PRDM14: variants seen among roughly 807,000 people sequenced by gnomAD.
PRDM14 encodes the protein PR domain zinc finger protein 14.
Under a neutral mutation model 48.0 loss-of-function variants are expected in PRDM14, and 16 were observed. That is an observed-to-expected ratio of 0.33 (90% CI 0.23 to 0.51). The LOEUF is 0.51. PRDM14 is among the 20% of genes least tolerant of loss of function. The pLI, the probability that PRDM14 is intolerant of heterozygous loss-of-function variation, is 0.97. For missense variants in PRDM14, 566 were observed against 719.6 expected, an observed-to-expected ratio of 0.79 and a Z score of 2.44; for synonymous variants, 264 against 276.6, an observed-to-expected ratio of 0.95 and a Z score of 0.45.
intron 7 of PRDM14, among the ~76,000 whole-genome samples, chr8:70,054,515 ATTTT>A (rs561179179): frequency 3.4e-4 from 39 of 114,986 alleles, no homozygotes; most frequent in African/African-American, 5.8e-4. Flanking sequence ...TGAAATAGTG[ATTTT>A]TTTTTTTTTT....
chr8:70,053,987 A>G (rs1805431779), intron 7 of PRDM14, among the ~76,000 whole-genome samples: 1 of 152,220 alleles, frequency 6.6e-6, no homozygotes, highest in South Asian at 2.1e-4. Flanking sequence ...AGCACTTAAA[A>G]TGTGGCTAAT....
intron 6 of PRDM14, among the ~76,000 whole-genome samples, chr8:70,055,900 G>C (rs1180465329): frequency 1.3e-5 from 2 of 152,206 alleles, no homozygotes; most frequent in African/African-American, 4.8e-5. Flanking sequence ...ACAGGTAGCT[G>C]TGTGACTACA....
chr8:70,062,858 G>T (rs536074086), intron 5 of PRDM14, among the ~76,000 whole-genome samples: 1 of 152,294 alleles, frequency 6.6e-6, no homozygotes, highest in East Asian at 1.9e-4. Context: ...TCCCACTTTT[G>T]GCAATATGTC....
intron 5 of PRDM14, among the ~76,000 whole-genome samples, chr8:70,059,430 C>G (rs1805538944): frequency 1.3e-5 from 2 of 151,956 alleles, no homozygotes; most frequent in South Asian, 4.2e-4. Context: ...CACCACCACG[C>G]CCAGCTAATT....
At chr8:70,063,450 T>G (rs994007015) in intron 5 of PRDM14, among the ~76,000 whole-genome samples, 3 of 152,044 alleles carry the variant, frequency 2.0e-5, no homozygotes, top group African/African-American at 7.2e-5. Context: ...TAATAATGAT[T>G]TCTCAAAAGG....
At chr8:70,066,165 G>T (rs1306181479) in intron 5 of PRDM14, 70 bp downstream of exon 5, 20 of 1,519,372 alleles carry the variant, frequency 1.3e-5, no homozygotes, top group Non-Finnish European at 1.7e-5. Flanking sequence ...GTGCATGGAG[G>T]GTTTGTGGAA....
chr8:70,064,134 G>C (rs954299810), intron 5 of PRDM14, among the ~76,000 whole-genome samples: 22 of 152,040 alleles, frequency 1.4e-4, no homozygotes, highest in African/African-American at 4.3e-4. Flanking sequence ...AAGATACCTG[G>C]GGGAGTAGGA....
Position 70,070,485 on chromosome 8 carries a change from C to A in PRDM14, c.-24-601G>T, listed in dbSNP as rs893844914. The stretch of plus-strand genomic sequence containing the variant: ...AGAGCCCCCGGGCAGGTCCAGGGAC[C>A]CCGCGACCTGCTCTGGCCCAGCGGT... On this transcript the variant is annotated intron_variant, in intron 1 of 7. Coordinates refer to ENST00000276594, the MANE Select transcript of PRDM14 (RefSeq NM_024504.4). 3.3e-5 allele frequency among the ~76,000 whole-genome samples: 5 copies of A among 152,118 alleles called. No homozygotes were observed. The East Asian group carries it at 9.7e-4, about 30-fold the overall frequency.
rs1447407341 is a variant in PRDM14, at chr8:70,059,620, CA to C, written c.1184-779del. Reference sequence around the variant, plus strand: ...TTATTACAGAAAAATGTAAACATACCAAAGTGAAAATAATAGTGTAATAAAC... The same window carrying C: ...TTATTACAGAAAAATGTAAACATACCAAGTGAAAATAATAGTGTAATAAAC... On this transcript the variant is annotated intron_variant, in intron 5 of 7. Coordinates refer to ENST00000276594, the MANE Select transcript of PRDM14 (RefSeq NM_024504.4). 5.3e-5 allele frequency among the ~76,000 whole-genome samples: 8 copies of C among 152,154 alleles called. No homozygotes were observed. In the East Asian group the frequency reaches 1.5e-3, roughly 29 times the overall value.
chr8:70,070,262 T>C (rs1225036595), intron 1 of PRDM14, among the ~76,000 whole-genome samples: 5 of 152,132 alleles, frequency 3.3e-5, no homozygotes, highest in African/African-American at 4.8e-5. Context: ...TCCTTCCTTC[T>C]TCTCAGTCCT....
rs762096536 is a variant in PRDM14 at position 70,069,708 on chromosome 8, T to C, written c.153A>G (p.Gln51=). Residue 51 remains glutamine, a synonymous_variant, in exon 2 of 8, where the codon CAA becomes CAG. Coordinates refer to ENST00000276594, the MANE Select transcript of PRDM14 (RefSeq NM_024504.4). ...CTGCGGCCTCCAGCTGCCGGAAAGG[T>C]TGGAAGTCTTCCTCCACGGTGGCCA... The part of the protein sequence containing the change: ...NSLATVEEDF[Q]PFRQLEAAAS... 1 of 1,569,680 alleles carries C rather than the reference T, an allele frequency of 6.4e-7. No homozygotes were observed. The highest frequency in any genetic ancestry group is 1.2e-5 in the South Asian group (1 of 86,062).
At chr8:70,064,220 C>G (rs1805629920) in intron 5 of PRDM14, among the ~76,000 whole-genome samples, 1 of 151,976 alleles carries the variant, frequency 6.6e-6, no homozygotes, top group Non-Finnish European at 1.5e-5. Flanking sequence ...ATAATGACGG[C>G]TGACTGCTCA....
chr8:70,057,849 CAT>C (rs1306293534), intron 6 of PRDM14, among the ~76,000 whole-genome samples: 2 of 152,094 alleles, frequency 1.3e-5, no homozygotes, highest in Admixed American at 1.3e-4. Flanking sequence ...AGTGATTAAA[CAT>C]GACTTTTCCA....
Position 70,052,067 on chromosome 8 carries a change from C to T in PRDM14, c.*10G>A, listed in dbSNP as rs146584294. ...GGGATTACAGGCGTGAGTCATTGTG[C>T]CTGGCAGGGCTAGTAGTCTTCATGA... is the stretch of plus-strand genomic sequence containing the variant. On this transcript the variant is annotated 3_prime_UTR_variant, in exon 8 of 8. Transcript: ENST00000276594. 8.9e-5 allele frequency: 140 copies of T among 1,571,528 alleles called. No individual in the cohort carries two copies. The highest frequency in any genetic ancestry group is 1.2e-4 in the Non-Finnish European group (133 of 1,151,222).
At position 70,069,852 on chromosome 8, in the gene PRDM14, T is replaced by C; in HGVS notation, c.9A>G (p.Leu3=). 6.3e-7 allele frequency: 1 copy of C among 1,599,100 alleles called. No homozygotes were observed. The highest frequency in any genetic ancestry group is 8.5e-7 in the Non-Finnish European group (1 of 1,173,018). Residue 3 remains leucine (L), a synonymous_variant, in exon 2 of 8, where the codon CTA becomes CTG. Coordinates refer to ENST00000276594, the MANE Select transcript of PRDM14 (RefSeq NM_024504.4). MA[L]PRPSEAVPQD... ...GAGGCACGGCCTCACTTGGCCGGGG[T>C]AGAGCCATCCCGGGACCGCACGCTC...
At chr8:70,063,193 G>A (rs903820804) in intron 5 of PRDM14, among the ~76,000 whole-genome samples, 1 of 152,056 alleles carries the variant, frequency 6.6e-6, no homozygotes, top group Non-Finnish European at 1.5e-5. Context: ...CAGAATTTAG[G>A]GAGGCCAAGG....
intron 5 of PRDM14, among the ~76,000 whole-genome samples, chr8:70,063,298 G>A (rs1805615512): frequency 6.6e-6 from 1 of 151,882 alleles, no homozygotes; most frequent in African/African-American, 2.4e-5. Flanking sequence ...GCTGGGTGTG[G>A]TGGTGCATGC....
At chr8:70,053,234 A>C (rs1012025837) in intron 7 of PRDM14, among the ~76,000 whole-genome samples, 1 of 152,116 alleles carries the variant, frequency 6.6e-6, no homozygotes, top group African/African-American at 2.4e-5. Flanking sequence ...ATCATACTTC[A>C]AGACAAACCT....
intron 6 of PRDM14, among the ~76,000 whole-genome samples, chr8:70,055,945 A>G (rs1243831849): frequency 6.6e-6 from 1 of 152,210 alleles, no homozygotes; most frequent in African/African-American, 2.4e-5. Flanking sequence ...TAGTTTCCCG[A>G]TCTTGCTCAT....
Sources: allele counts gnomAD v4.1 joint callset (sites outside exome capture counted in the v4.1 genomes callset), GRCh38; gene constraint gnomAD v4.1.1; transcripts MANE v1.5; gene names NCBI Gene and HGNC (gene_info 2026-07-23, HGNC 2026-07-21).